Variants in SLC25A25 observed in about 807,000 individuals in gnomAD.
SLC25A25 encodes mitochondrial adenyl nucleotide antiporter SLC25A25.
In SLC25A25, 32 loss-of-function variants were observed where a neutral mutation model predicts 57.7. That is an observed-to-expected ratio of 0.55 (90% CI 0.42 to 0.74). The LOEUF (loss-of-function observed/expected upper bound fraction) is 0.74, where lower values mean the gene tolerates loss of function less well. Ranked by LOEUF, SLC25A25 falls within the 30% of genes least tolerant of loss-of-function variation. SLC25A25 has a pLI of 0.00. For missense variants in SLC25A25, 556 were observed against 701.3 expected, an observed-to-expected ratio of 0.79 and a Z score of 2.34; for synonymous variants, 306 against 291.2, an observed-to-expected ratio of 1.05 and a Z score of -0.52.
At position 128,095,564 on chromosome 9, in the gene SLC25A25, A is replaced by G. The variant is rs1353326860; in HGVS notation, c.262-5532A>G. Among the ~76,000 whole-genome samples, 1 of 152,188 alleles carries G rather than the reference A, an allele frequency of 6.6e-6. No homozygotes were observed. Among genetic ancestry groups the G allele is most frequent in the Non-Finnish European group, 1.5e-5 (1 of 68,034 alleles). ...TTACCTGTGAAACTCAGTAGGATGG[A>G]TGATTTAAAAAACCAAATGCCAATT... On this transcript the variant is annotated intron_variant, in intron 1 of 10. Transcript: ENST00000373069. The surrounding 1 kb of genome is among the most constrained non-coding windows in gnomAD (Gnocchi z 4.4).
chr9:128,102,053 C>A lies in SLC25A25; in HGVS notation c.477-27C>A. 1 of 1,550,532 alleles carries A rather than the reference C, an allele frequency of 6.4e-7. No individual in the cohort carries two copies. Among genetic ancestry groups the A allele is most frequent in the Non-Finnish European group, 8.7e-7 (1 of 1,146,936 alleles). ...CTTATGCGTGTTGTTTCTGCTCTCT[C>A]CTCCGCATCCTTTGTCTGTCTGTCA... On this transcript the variant is annotated intron_variant, in intron 3 of 10. Coordinates refer to ENST00000373069, the MANE Select transcript of SLC25A25 (RefSeq NM_001330988.2). This position sits in a 1 kb window ranked among gnomAD's most constrained non-coding sequence, Gnocchi z 4.1.
chr9:128,098,734 G>A (rs1236485948), intron 1 of SLC25A25: 24 of 1,613,250 alleles, frequency 1.5e-5, no homozygotes, highest in Non-Finnish European at 2.0e-5. Context: ...AGGTCTGTGG[G>A]GTGACCGCGC....
chr9:128,079,745 C>T (rs1268963983), intron 1 of SLC25A25, among the ~76,000 whole-genome samples: 4 of 151,152 alleles, frequency 2.6e-5, no homozygotes, highest in Admixed American at 6.6e-5. Flanking sequence ...GTAATCCCAG[C>T]ACTTTGGGAG....
At chr9:128,097,160 T>C (rs942761878) in intron 1 of SLC25A25, among the ~76,000 whole-genome samples, 2 of 152,228 alleles carry the variant, frequency 1.3e-5, no homozygotes, top group African/African-American at 4.8e-5. Flanking sequence ...AGATATAGTC[T>C]ATATTAGGAA....
At chr9:128,079,735 G>C (rs566697642) in intron 1 of SLC25A25, among the ~76,000 whole-genome samples, 1 of 151,550 alleles carries the variant, frequency 6.6e-6, no homozygotes, top group East Asian at 2.0e-4. Flanking sequence ...GCTCACGCCT[G>C]TAATCCCAGC....
chr9:128,080,580 C>T (rs968469588), intron 1 of SLC25A25, among the ~76,000 whole-genome samples: 5 of 151,470 alleles, frequency 3.3e-5, no homozygotes, highest in Admixed American at 6.6e-5. Context: ...CCACCGTGCC[C>T]GGCTAATTTT....
chr9:128,104,483 C>T (rs974336681), intron 6 of SLC25A25, among the ~76,000 whole-genome samples: 2 of 152,232 alleles, frequency 1.3e-5, no homozygotes, highest in Non-Finnish European at 2.9e-5. Context: ...CAGAATGCCT[C>T]GGGCTTGGAC....
intron 1 of SLC25A25, among the ~76,000 whole-genome samples, chr9:128,100,562 C>G (rs1211134265): frequency 6.6e-6 from 1 of 152,136 alleles, no homozygotes; most frequent in Non-Finnish European, 1.5e-5. Context: ...GCTCTGCCCC[C>G]GATTTTCACC....
intron 1 of SLC25A25, among the ~76,000 whole-genome samples, chr9:128,097,482 G>C (rs1164015585): frequency 6.6e-6 from 1 of 152,226 alleles, no homozygotes; most frequent in Non-Finnish European, 1.5e-5. Flanking sequence ...AGGCTGGAGT[G>C]CAGTGGCACA....
Position 128,101,777 on chromosome 9 carries a change from A to C in SLC25A25, c.477-303A>C, listed in dbSNP as rs1473361144. On this transcript the variant is annotated intron_variant, in intron 3 of 10. Coordinates refer to ENST00000373069, the MANE Select transcript of SLC25A25 (RefSeq NM_001330988.2). This position sits in a 1 kb window ranked among gnomAD's most constrained non-coding sequence, Gnocchi z 4.9. ...TTCCCCATGCTGGTAACTTGCACTT[A>C]ACACTTTAGTCAGAGGCGCTGCCCC... Among the ~76,000 whole-genome samples the C allele has an allele frequency of 6.6e-6, 1 of 152,170 alleles. No individual in the cohort carries two copies. Among genetic ancestry groups the C allele is most frequent in the Middle Eastern group, 3.2e-3 (1 of 316 alleles).
intron 1 of SLC25A25, among the ~76,000 whole-genome samples, chr9:128,087,141 G>A (rs1173696805): frequency 6.6e-6 from 1 of 150,498 alleles, no homozygotes; most frequent in African/African-American, 2.4e-5. Flanking sequence ...CTTGAACCCG[G>A]AAGGCAGAGG....
chr9:128,077,673 GT>G (rs1833049156), intron 1 of SLC25A25, among the ~76,000 whole-genome samples: 1 of 151,810 alleles, frequency 6.6e-6, no homozygotes, highest in African/African-American at 2.4e-5. Context: ...GTGAGATGAG[GT>G]TTCTTTTTGA....
intron 1 of SLC25A25, among the ~76,000 whole-genome samples, chr9:128,070,075 A>G (rs1309197456): frequency 4.4e-5 from 4 of 91,576 alleles, no homozygotes; most frequent in South Asian, 3.7e-4. Context: ...GTGCCACCAC[A>G]CCCAGCTAAT....
In SLC25A25 at chr9:128,101,447, G is replaced by C; in HGVS notation, c.476+51G>C. The C allele has an allele frequency of 3.2e-6, 5 of 1,584,748 alleles. No homozygotes were observed. The highest frequency in any genetic ancestry group is 3.5e-6 in the Non-Finnish European group (4 of 1,156,532). On this transcript the variant is annotated intron_variant, in intron 3 of 10. Transcript: ENST00000373069. The surrounding 1 kb of genome is among the most constrained non-coding windows in gnomAD (Gnocchi z 4.9). Reference sequence around the variant, plus strand: ...TTGGTTTAAGTGTGATGAAGGGAAGGCTCTGAGACTAACCCTCCGATGCCA... The same window carrying C: ...TTGGTTTAAGTGTGATGAAGGGAAGCCTCTGAGACTAACCCTCCGATGCCA...
At chr9:128,106,299 G>T in intron 8 of SLC25A25, 42 bp downstream of exon 8, 3 of 1,614,062 alleles carry the variant, frequency 1.9e-6, no homozygotes, top group Non-Finnish European at 2.5e-6. Context: ...GTGGGCACAG[G>T]ACTGGGGAGA....
intron 1 of SLC25A25, among the ~76,000 whole-genome samples, chr9:128,079,275 C>G (rs1207586138): frequency 6.6e-6 from 1 of 152,068 alleles, no homozygotes; most frequent in Non-Finnish European, 1.5e-5. Context: ...CCATCACACT[C>G]TGGCTCCATA....
At chr9:128,091,438 G>A (rs561837091) in intron 1 of SLC25A25, 5 of 985,862 alleles carry the variant, frequency 5.1e-6, no homozygotes, top group East Asian at 1.1e-4. Context: ...CAGACTGGAT[G>A]CTCGGGTCCT....
intron 6 of SLC25A25, among the ~76,000 whole-genome samples, chr9:128,104,284 G>A (rs1254743316): frequency 2.0e-5 from 3 of 152,204 alleles, no homozygotes; most frequent in Non-Finnish European, 4.4e-5. Context: ...TTGTGAAACT[G>A]ACCCACACAA....
intron 1 of SLC25A25, among the ~76,000 whole-genome samples, chr9:128,079,603 CAAAAAAAAA>C (rs531439672): frequency 3.3e-4 from 16 of 48,046 alleles, no homozygotes; most frequent in Non-Finnish European, 4.0e-4. Context: ...ACTAAAAATA[CAAAAAAAAA>C]AAAAAAAAAA....
Sources: allele counts gnomAD v4.1 joint callset (sites outside exome capture counted in the v4.1 genomes callset), GRCh38; gene constraint gnomAD v4.1.1; non-coding constraint Gnocchi (gnomAD v3.1); transcripts MANE v1.5; gene names NCBI Gene and HGNC (gene_info 2026-07-23, HGNC 2026-07-21).